The following PRKCH variants were observed in gnomAD, a reference collection of about 807,000 sequenced individuals.
The protein encoded by PRKCH is protein kinase C eta type.
PRKCH carries 28 observed loss-of-function variants against 82.5 expected under a neutral mutation model. The observed-to-expected ratio is 0.34, with a 90% CI of 0.25 to 0.47. The LOEUF (loss-of-function observed/expected upper bound fraction) is 0.47, where lower values mean the gene tolerates loss of function less well. Among genes scored for constraint, PRKCH ranks in the 20% least tolerant of loss-of-function variants. The pLI is 1.00. For synonymous variants in PRKCH, 322 were observed against 327.4 expected (o/e 0.98, Z 0.18); for missense variants, 705 against 881.8 (o/e 0.80, Z 2.54).
intron 2 of PRKCH, among the ~76,000 whole-genome samples, chr14:61,435,029 C>T (rs1883607854): frequency 6.6e-6 from 1 of 152,096 alleles, no homozygotes; most frequent in African/African-American, 2.4e-5. Context: ...TAATACCTCC[C>T]ACCCCTGAAG....
intron 1 of PRKCH, among the ~76,000 whole-genome samples, chr14:61,221,385 G>T (rs2044654901): frequency 6.6e-6 from 1 of 152,146 alleles, no homozygotes; most frequent in South Asian, 2.1e-4. Flanking sequence ...TATTAGCCCT[G>T]CTTTTTCTTC....
chr14:61,391,287 A>G lies in PRKCH; in HGVS notation c.426A>G (p.Glu142=). 1 of 1,608,042 alleles carries G rather than the reference A, an allele frequency of 6.2e-7. No homozygotes were observed. Among genetic ancestry groups the G allele is most frequent in the Admixed American group, 1.7e-5 (1 of 59,248 alleles). Residue 142 remains glutamate (E), a splice_region_variant and synonymous_variant, in exon 2 of 14, where the codon GAA becomes GAG. Transcript: ENST00000332981. ...VVITLTGSFT[E]ATLQRDRIFK... ...TAACCCTTACCGGGAGTTTCACTGA[A>G]GGTAAGAATGAGTTTTGGGTAGTTT... is the stretch of plus-strand genomic sequence containing the variant.
intron 1 of PRKCH, among the ~76,000 whole-genome samples, chr14:61,345,988 T>G (rs1015626951): frequency 6.6e-6 from 1 of 152,138 alleles, no homozygotes; most frequent in Non-Finnish European, 1.5e-5. Flanking sequence ...ATTTTTCAGA[T>G]GGACTCTGGG....
intron 1 of PRKCH, among the ~76,000 whole-genome samples, chr14:61,205,561 G>T (rs1273196624): frequency 1.3e-5 from 2 of 152,170 alleles, no homozygotes; most frequent in Admixed American, 6.5e-5. Context: ...CCACATCTGA[G>T]TTGACCTGTG....
At position 61,414,275 on chromosome 14, in the gene PRKCH, T is replaced by C. The variant is rs868135311; in HGVS notation, c.427+22987T>C. Among the ~76,000 whole-genome samples, 374 of 127,480 alleles carry C rather than the reference T, an allele frequency of 2.9e-3. 1 individual carries two copies. The highest frequency in any genetic ancestry group is 0.011 in the African/African-American group (350 of 33,052). The allele number at this position is 127,480 out of a possible 152,430, so 83.6% of individuals were successfully genotyped here. A position where few individuals can be genotyped will look rare whatever the true frequency, so the allele number is the denominator to read the frequency against. ...CACTCTCAATGGGCTTCATTTAATC[T>C]TTTTTTTTTTTTTTTGAAATGGAGT... On this transcript the variant is annotated intron_variant, in intron 2 of 13. Coordinates refer to ENST00000332981, the MANE Select transcript of PRKCH (RefSeq NM_006255.5).
chr14:61,498,220 G>T (rs1886750979), intron 10 of PRKCH, among the ~76,000 whole-genome samples: 1 of 152,030 alleles, frequency 6.6e-6, no homozygotes, highest in Non-Finnish European at 1.5e-5. Context: ...CACCATGTTG[G>T]CCAGGCTAGT....
chr14:61,320,468 G>T (rs1261789516), upstream of PRKCH, among the ~76,000 whole-genome samples: 1 of 152,114 alleles, frequency 6.6e-6, no homozygotes, highest in Non-Finnish European at 1.5e-5. Context: ...GCGTGGTGGC[G>T]CATGCCTGTA....
At chr14:61,246,684 C>G (rs1410809102) in intron 1 of PRKCH, among the ~76,000 whole-genome samples, 1 of 152,160 alleles carries the variant, frequency 6.6e-6, no homozygotes, top group African/African-American at 2.4e-5. Context: ...CTCATTTCTT[C>G]TCTACTCTCC....
chr14:61,380,784 C>A (rs1027693599), intron 1 of PRKCH, among the ~76,000 whole-genome samples: 1 of 152,174 alleles, frequency 6.6e-6, no homozygotes, highest in Non-Finnish European at 1.5e-5. Flanking sequence ...CTACCTTGAG[C>A]TATCTCCTTG....
chr14:61,524,095 G>A (rs536245657), intron 10 of PRKCH, among the ~76,000 whole-genome samples: 1 of 152,198 alleles, frequency 6.6e-6, no homozygotes, highest in Non-Finnish European at 1.5e-5. Context: ...TGTTCAAGGA[G>A]CCAGCTCTCA....
chr14:61,226,460 T>G (rs1176145506), intron 1 of PRKCH, among the ~76,000 whole-genome samples: 2 of 152,212 alleles, frequency 1.3e-5, no homozygotes, highest in African/African-American at 4.8e-5. Context: ...TGTGGGTCGA[T>G]TACATTAAAA....
At chr14:61,513,810 C>T (rs767201354) in intron 10 of PRKCH, among the ~76,000 whole-genome samples, 13 of 152,126 alleles carry the variant, frequency 8.5e-5, no homozygotes, top group East Asian at 1.9e-4. Context: ...TGCAGATGAG[C>T]GGCAGTTTGT....
At chr14:61,238,383 G>T (rs905770026) in intron 1 of PRKCH, among the ~76,000 whole-genome samples, 5 of 152,136 alleles carry the variant, frequency 3.3e-5, no homozygotes, top group Non-Finnish European at 5.9e-5. Context: ...CTGCCTGAGT[G>T]TTGCTTGAGG....
intron 1 of PRKCH, among the ~76,000 whole-genome samples, chr14:61,200,869 T>C (rs1240631799): frequency 4.6e-5 from 7 of 152,184 alleles, no homozygotes; most frequent in Non-Finnish European, 8.8e-5. Context: ...ATAGTAAATG[T>C]AGGATTCAAT....
intron 10 of PRKCH, among the ~76,000 whole-genome samples, chr14:61,520,728 A>T (rs570962593): frequency 3.3e-5 from 5 of 152,336 alleles, no homozygotes; most frequent in African/African-American, 1.2e-4. Context: ...AATTAGAAGG[A>T]TGATTCCATC....
At chr14:61,259,767 C>T (rs916719902) in intron 1 of PRKCH, among the ~76,000 whole-genome samples, 2 of 152,112 alleles carry the variant, frequency 1.3e-5, no homozygotes, top group Middle Eastern at 3.2e-3. Flanking sequence ...GTAGTTCACT[C>T]AAATCCTAGT....
intron 2 of PRKCH, among the ~76,000 whole-genome samples, chr14:61,393,078 G>C (rs564029605): frequency 1.3e-5 from 2 of 152,096 alleles, no homozygotes; most frequent in Non-Finnish European, 2.9e-5. Flanking sequence ...TGGATTATCT[G>C]TTCTGTCCTG....
intron 1 of PRKCH, among the ~76,000 whole-genome samples, chr14:61,277,210 T>A (rs779545407): frequency 1.1e-4 from 16 of 152,060 alleles, no homozygotes; most frequent in Non-Finnish European, 2.1e-4. Context: ...TCAAAAAAAA[T>A]AATAATAACA....
At chr14:61,208,979 C>T (rs981030166) in intron 1 of PRKCH, among the ~76,000 whole-genome samples, 6 of 152,148 alleles carry the variant, frequency 3.9e-5, no homozygotes, top group Non-Finnish European at 5.9e-5. Context: ...CCCAATGCAG[C>T]GGTGTTGAGA....
Sources: gnomAD v4.1 joint callset for allele counts (sites outside exome capture counted in the v4.1 genomes callset) on GRCh38, gnomAD v4.1.1 for gene constraint, MANE v1.5 for transcripts, NCBI Gene and HGNC (gene_info 2026-07-23, HGNC 2026-07-21) for gene names.